Variants in IL18BP observed in about 807,000 individuals in gnomAD.
IL18BP encodes interleukin-18-binding protein.
A neutral mutation model predicts 19.9 loss-of-function variants in IL18BP; 23 were observed. That is an observed-to-expected ratio of 1.15 (90% CI 0.83 to 1.64). IL18BP has a LOEUF of 1.64. Among genes scored for constraint, IL18BP ranks in the 40% most tolerant of loss-of-function variants. IL18BP has a pLI of 0.00. For synonymous variants in IL18BP, 107 were observed against 101.0 expected (o/e 1.06, Z -0.35); for missense variants, 239 against 240.7 (o/e 0.99, Z 0.05).
At chr11:72,005,471 T>A, downstream of IL18BP, 1 of 1,130,844 alleles carries the variant, frequency 8.8e-7, no homozygotes, top group Non-Finnish European at 1.3e-6. Context: ...CCCCATAAAC[T>A]TGAAGCCCAG....
chr11:72,001,088 C>A, intron 3 of IL18BP, 113 bp from the exon 4 acceptor site: 3 of 1,319,740 alleles, frequency 2.3e-6, no homozygotes, highest in Non-Finnish European at 3.2e-6. Flanking sequence ...CAGAGCAGTT[C>A]TCTAGGTTCC....
At chr11:72,007,134 C>A, downstream of IL18BP, 1 of 1,590,562 alleles carries the variant, frequency 6.3e-7, no homozygotes, top group South Asian at 1.1e-5. Context: ...TGCAAAGATG[C>A]CCTTGAGAGG....
At chr11:72,003,809 A>G (rs1474010054), downstream of IL18BP, 24 of 1,470,568 alleles carry the variant, frequency 1.6e-5, no homozygotes, top group Non-Finnish European at 2.2e-5. Flanking sequence ...CCCATCTTGG[A>G]TGCTACTTGG....
downstream of IL18BP, chr11:72,003,456 G>A (rs1955399425): frequency 6.8e-7 from 1 of 1,464,810 alleles, no homozygotes; most frequent in Non-Finnish European, 9.6e-7. Flanking sequence ...CACTGAGAGG[G>A]ACAGTAGGCG....
At chr11:72,007,539 A>C, downstream of IL18BP, 2 of 1,385,626 alleles carry the variant, frequency 1.4e-6, no homozygotes, top group African/African-American at 2.9e-5. Flanking sequence ...CAAGCAGATG[A>C]GGTCAAGCAG....
chr11:72,004,932 C>A, downstream of IL18BP: 1 of 1,077,528 alleles, frequency 9.3e-7, no homozygotes, highest in Non-Finnish European at 1.3e-6. Flanking sequence ...CCCTTCCTGC[C>A]TCACGAGGTA....
chr11:72,005,090 T>C, downstream of IL18BP: 3 of 1,007,404 alleles, frequency 3.0e-6, no homozygotes, highest in Non-Finnish European at 4.2e-6. Context: ...AGCTGTCTGT[T>C]CCACCTGGAA....
rs1315455824 is a variant in IL18BP, at chr11:72,002,803, A to C, written c.*942A>C. The C allele has an allele frequency of 1.0e-5, 2 of 191,274 alleles. No homozygotes were observed. Among genetic ancestry groups the C allele is most frequent in the Non-Finnish European group, 2.2e-5 (2 of 91,140 alleles). The allele number at this position is 191,274 out of a possible 1,614,324, so 11.8% of individuals were successfully genotyped here. On this transcript the variant is annotated 3_prime_UTR_variant, in exon 6 of 6. Transcript: ENST00000393703. ...TGGTATGGAAGACTCAGCAGGAACA[A>C]GGTAGGCTTCAAAGAGCCTATATTC...
downstream of IL18BP, chr11:72,003,435 C>G (rs1955398126): frequency 2.3e-6 from 3 of 1,279,614 alleles, no homozygotes; most frequent in Non-Finnish European, 3.4e-6. Context: ...GGCCTGGGAG[C>G]TGAGAGAAGG....
intron 2 of IL18BP, 101 bp from the exon 3 acceptor site, chr11:72,000,250 C>G: frequency 8.9e-7 from 1 of 1,119,478 alleles, no homozygotes; most frequent in Non-Finnish European, 1.3e-6. Flanking sequence ...CGCTCTGATT[C>G]CCTGGCTAGA....
At position 72,002,099 on chromosome 11, in the gene IL18BP, A is replaced by G; in HGVS notation, c.*238A>G. 1.6e-6 allele frequency: 1 copy of G among 616,864 alleles called. No individual in the cohort carries two copies. Among genetic ancestry groups the G allele is most frequent in the South Asian group, 2.0e-5 (1 of 49,642 alleles). The allele number at this position is 616,864 out of a possible 1,614,324, so 38.2% of individuals were successfully genotyped here. ...GCCATTCTCTCTCCACCTATCCATTAGCCTTCCTAACGTCCTACTCCTCAC... is the reference window on the plus strand; with the variant it reads ...GCCATTCTCTCTCCACCTATCCATTGGCCTTCCTAACGTCCTACTCCTCAC... On this transcript the variant is annotated 3_prime_UTR_variant, in exon 6 of 6. Coordinates refer to ENST00000393703, the MANE Select transcript of IL18BP (RefSeq NM_001039660.2).
Position 72,001,696 on chromosome 11 carries a change from C to T in IL18BP, c.508-88C>T, listed in dbSNP as rs1200118950. On this transcript the variant is annotated intron_variant, in intron 5 of 5. Transcript: ENST00000393703. ...CAGCCAGACAAAAAGGAACTTAGGT[C>T]TTGGGCAGAGGAGGTGTAGCCTGGG... 23 of 1,612,020 alleles carry T rather than the reference C, an allele frequency of 1.4e-5. No homozygotes were observed. In the Middle Eastern group the frequency reaches 4.9e-4, roughly 35 times the overall value.
downstream of IL18BP, chr11:72,007,556 TCTCTGATTTTTCAGAGGTA>T (rs1955826808): frequency 1.6e-5 from 20 of 1,279,520 alleles, no homozygotes; most frequent in Admixed American, 2.2e-5. Context: ...GCAGCCCATC[TCTCTGATTTTTCAGAGGTA>T]CCAAGGAAAG....
At chr11:71,999,669 C>A in intron 1 of IL18BP, 1 of 377,606 alleles carries the variant, frequency 2.6e-6, no homozygotes, top group Non-Finnish European at 4.9e-6. Context: ...CTGGGTGAGT[C>A]CATATTCTCT....
At chr11:72,006,251 C>G, downstream of IL18BP, 7 of 1,614,082 alleles carry the variant, frequency 4.3e-6, no homozygotes, top group Non-Finnish European at 5.9e-6. Context: ...TCTGGCTCTT[C>G]CACATCTAGC....
At chr11:72,001,068 A>C in intron 3 of IL18BP, 133 bp from the exon 4 acceptor site, 1 of 1,040,112 alleles carries the variant, frequency 9.6e-7, no homozygotes, top group Non-Finnish European at 1.4e-6. Flanking sequence ...GTTCCCACCT[A>C]GGTGGTGTGC....
chr11:72,005,909 A>G, downstream of IL18BP: 1 of 766,802 alleles, frequency 1.3e-6, no homozygotes, highest in Non-Finnish European at 2.1e-6. Flanking sequence ...AAGGAGGGGC[A>G]GGTGGAGCTG....
chr11:72,007,482 C>T (rs1235597732), downstream of IL18BP: 1 of 1,601,378 alleles, frequency 6.2e-7, no homozygotes, highest in African/African-American at 1.3e-5. Flanking sequence ...CGCTAGAAGG[C>T]ATTTTGTCCA....
chr11:72,003,578 G>A (rs754001908), downstream of IL18BP: 27 of 1,613,452 alleles, frequency 1.7e-5, no homozygotes, highest in Middle Eastern at 1.6e-4. Flanking sequence ...GAGAACTTGC[G>A]ATACTAGCCT....
Sources: allele counts gnomAD v4.1 joint callset, GRCh38; gene constraint gnomAD v4.1.1; transcripts MANE v1.5; gene names NCBI Gene and HGNC (gene_info 2026-07-23, HGNC 2026-07-21).